AGBL1: variants seen among roughly 807,000 people sequenced by gnomAD.
The protein encoded by AGBL1 is cytosolic carboxypeptidase 4.
Under a neutral mutation model 118.9 loss-of-function variants are expected in AGBL1, and 130 were observed. That is an observed-to-expected ratio of 1.09 (90% CI 0.95 to 1.26). The LOEUF (loss-of-function observed/expected upper bound fraction) is 1.26, where lower values mean the gene tolerates loss of function less well. Ranked by LOEUF, AGBL1 falls within the 50% of genes most tolerant of loss-of-function variation. The probability of loss-of-function intolerance (pLI) is 0.00; values close to 1 mark genes in which losing one functional copy is unlikely to be tolerated. For missense variants in AGBL1, 1,584 were observed against 1,298.1 expected, an observed-to-expected ratio of 1.22 and a Z score of -3.38; for synonymous variants, 555 against 478.9, an observed-to-expected ratio of 1.16 and a Z score of -2.08.
intron 21 of AGBL1, among the ~76,000 whole-genome samples, chr15:86,555,749 T>A (rs2083724963): frequency 6.6e-6 from 1 of 152,206 alleles, no homozygotes. Context: ...GGAACCTATT[T>A]TTTTTCATAT....
At position 86,154,540 on chromosome 15, in the gene AGBL1, C is replaced by G; in HGVS notation, c.373C>G (p.Leu125Val). Residue 125 changes from leucine to valine, a missense_variant, in exon 4 of 23, where the codon CTG (leucine) becomes GTG (valine). Leu to Val is a conservative substitution (Grantham distance 32). Coordinates refer to ENST00000614907, the MANE Select transcript of AGBL1 (RefSeq NM_001386094.1). ...GAATCTCCTCCACTGTCTCTGGGCT[C>G]TGCGTGTGTTTGCCTCCAGTGGTAA... ...GQNLLHCLWA[L>V]RVFASSVSMG... 1.2e-6 allele frequency: 2 copies of G among 1,611,128 alleles called. No homozygotes were observed. Among genetic ancestry groups the G allele is most frequent in the Non-Finnish European group, 1.7e-6 (2 of 1,178,464 alleles).
At chr15:86,808,088 A>T (rs760665849) in intron 22 of AGBL1, among the ~76,000 whole-genome samples, 2 of 152,178 alleles carry the variant, frequency 1.3e-5, no homozygotes, top group Non-Finnish European at 2.9e-5. Flanking sequence ...AGGAGCAATT[A>T]TTAGATGTGA....
At chr15:86,786,241 A>T (rs899459243) in intron 22 of AGBL1, among the ~76,000 whole-genome samples, 1 of 151,982 alleles carries the variant, frequency 6.6e-6, no homozygotes, top group Admixed American at 6.6e-5. Context: ...TATCTCCTAA[A>T]GCTATCCCTC....
intron 20 of AGBL1, 58 bp downstream of exon 20, chr15:86,546,191 C>CT (rs1206712797): frequency 6.7e-7 from 1 of 1,489,738 alleles, no homozygotes; most frequent in Non-Finnish European, 9.0e-7. Context: ...TCATTCTTAC[C>CT]TTTAAGACCA....
intron 22 of AGBL1, among the ~76,000 whole-genome samples, chr15:86,708,461 G>C (rs537711425): frequency 6.6e-5 from 10 of 152,212 alleles, no homozygotes; most frequent in Admixed American, 2.6e-4. Flanking sequence ...TGGACTTCAG[G>C]CCACCATAAC....
intron 14 of AGBL1, 65 bp from the exon 15 acceptor site, chr15:86,271,554 G>T: frequency 8.1e-7 from 1 of 1,229,756 alleles, no homozygotes; most frequent in South Asian, 1.2e-5. Flanking sequence ...GTATGTGGGG[G>T]TCATTATTTG....
At chr15:86,741,268 A>G (rs908954801) in intron 22 of AGBL1, among the ~76,000 whole-genome samples, 5 of 151,578 alleles carry the variant, frequency 3.3e-5, no homozygotes, top group Admixed American at 3.3e-4. Flanking sequence ...CAAGGAAGAC[A>G]AACAATACTG....
chr15:86,395,065 G>A (rs2081342968), intron 17 of AGBL1, among the ~76,000 whole-genome samples: 1 of 152,104 alleles, frequency 6.6e-6, no homozygotes, highest in Non-Finnish European at 1.5e-5. Context: ...GGTAACTGAT[G>A]ACTCTGCAAT....
intron 22 of AGBL1, among the ~76,000 whole-genome samples, chr15:86,734,387 T>C (rs2077564964): frequency 6.6e-6 from 1 of 152,094 alleles, no homozygotes; most frequent in Non-Finnish European, 1.5e-5. Context: ...TTCATGAACT[T>C]GATAGCAGGG....
chr15:86,917,246 T>A (rs1157543029), downstream of AGBL1, among the ~76,000 whole-genome samples: 1 of 152,112 alleles, frequency 6.6e-6, no homozygotes, highest in African/African-American at 2.4e-5. This position sits in a 1 kb window ranked among gnomAD's most constrained non-coding sequence, Gnocchi z 4.8. Flanking sequence ...CCTCACTGAC[T>A]CTTTGTTGGT....
rs530127145 is a variant in AGBL1, at chr15:86,892,156, T to C, written c.3159-14931T>C. On this transcript the variant is annotated intron_variant, in intron 22 of 22. Transcript: ENST00000614907. ...TCAAACACCGTCTCTCCTTTCCCTC[T>C]CTTTTGCTTTCATTCTTTTCCTCAT... Among the ~76,000 whole-genome samples the C allele has an allele frequency of 4.6e-5, 7 of 152,252 alleles. No individual in the cohort carries two copies. The East Asian group carries it at 1.4e-3, about 29-fold the overall frequency.
chr15:86,745,239 G>C (rs2077739007), intron 22 of AGBL1, among the ~76,000 whole-genome samples: 1 of 152,020 alleles, frequency 6.6e-6, no homozygotes, highest in Admixed American at 6.6e-5. Context: ...TATGTGATGG[G>C]CATTGTGCCC....
intron 22 of AGBL1, among the ~76,000 whole-genome samples, chr15:86,736,352 C>T (rs1295439616): frequency 2.0e-5 from 3 of 151,818 alleles, no homozygotes; most frequent in South Asian, 2.1e-4. Flanking sequence ...TGCACTCCAG[C>T]CTGGGTGACA....
At chr15:86,833,184 T>G (rs2079129527) in intron 22 of AGBL1, among the ~76,000 whole-genome samples, 1 of 152,174 alleles carries the variant, frequency 6.6e-6, no homozygotes. Flanking sequence ...AGATGAGATT[T>G]GGGTGGGACC....
chr15:86,758,933 A>G (rs1343224716), intron 22 of AGBL1, among the ~76,000 whole-genome samples: 1 of 146,884 alleles, frequency 6.8e-6, no homozygotes. Context: ...AGATTGCACC[A>G]TGGCACTCCA....
chr15:86,804,438 G>C (rs759374836), intron 22 of AGBL1, among the ~76,000 whole-genome samples: 16 of 152,052 alleles, frequency 1.1e-4, no homozygotes, highest in Admixed American at 3.3e-4. Flanking sequence ...CTCCTTAGCT[G>C]GTTCTCTGTT....
chr15:86,449,295 A>AT (rs1285921555), intron 18 of AGBL1, among the ~76,000 whole-genome samples: 1 of 152,186 alleles, frequency 6.6e-6, no homozygotes, highest in African/African-American at 2.4e-5. Flanking sequence ...GATCAAAGGC[A>AT]TTTTTTCTCT....
chr15:87,002,880 T>A (rs1041285916), intron 24 of AGBL1, among the ~76,000 whole-genome samples: 5 of 152,194 alleles, frequency 3.3e-5, no homozygotes, highest in African/African-American at 1.2e-4. Context: ...GATTTTGGGC[T>A]GAGACAATGG....
intron 21 of AGBL1, among the ~76,000 whole-genome samples, chr15:86,600,984 G>T (rs1567078108): frequency 6.6e-6 from 1 of 152,016 alleles, no homozygotes; most frequent in African/African-American, 2.4e-5. Context: ...GAGCCTGCTG[G>T]GCTCCATTTG....
Sources: gnomAD v4.1 joint callset for allele counts (sites outside exome capture counted in the v4.1 genomes callset) on GRCh38, gnomAD v4.1.1 for gene constraint, Gnocchi (gnomAD v3.1) non-coding constraint, MANE v1.5 for transcripts, NCBI Gene and HGNC (gene_info 2026-07-23, HGNC 2026-07-21) for gene names.